Variants in AKT3 observed in about 807,000 individuals in gnomAD.
The protein encoded by AKT3 is AKT serine/threonine kinase 3, also known as RAC-gamma serine/threonine-protein kinase.
In AKT3, 15 loss-of-function variants were observed where a neutral mutation model predicts 65.3. The observed-to-expected ratio is 0.23, with a 90% CI of 0.15 to 0.35. The LOEUF (loss-of-function observed/expected upper bound fraction) is 0.35, where lower values mean the gene tolerates loss of function less well. Among genes scored for constraint, AKT3 ranks in the 10% least tolerant of loss-of-function variants. The pLI is 1.00. For missense variants in AKT3, 243 were observed against 576.5 expected (o/e 0.42, Z 5.92); for synonymous variants, 206 against 183.8 (o/e 1.12, Z -0.98).
At chr1:243,750,033 C>A (rs1688703805) in intron 2 of AKT3, among the ~76,000 whole-genome samples, 1 of 152,174 alleles carries the variant, frequency 6.6e-6, no homozygotes, top group South Asian at 2.1e-4. Context: ...TTCTCCTTCT[C>A]ATATAGGCTA....
intron 6 of AKT3, among the ~76,000 whole-genome samples, chr1:243,631,157 C>A (rs1558667278): frequency 6.6e-6 from 1 of 152,062 alleles, no homozygotes; most frequent in Non-Finnish European, 1.5e-5. Context: ...AATGTATATA[C>A]CTTAATTTAA....
Position 243,489,563 on chromosome 1 carries a change from G to C in AKT3, c.*7-1113C>G, listed in dbSNP as rs1665871910. ...AGAGGTGTTCCCAATTAGCAAAGTC[G>C]TCTTGAATGGAAGGCAGGCATCTCA... On this transcript the variant is annotated intron_variant, in intron 13 of 13. Coordinates refer to the AKT3 transcript ENST00000336199. Among the ~76,000 whole-genome samples the C allele has an allele frequency of 2.0e-5, 3 of 152,196 alleles. No homozygotes were observed. In the South Asian group the frequency reaches 6.2e-4, roughly 32 times the overall value.
intron 1 of AKT3, among the ~76,000 whole-genome samples, chr1:243,844,023 CAAGAAATATTTTAAGGAGATTAAAA>C (rs982527672): frequency 1.3e-5 from 2 of 151,882 alleles, no homozygotes; most frequent in Non-Finnish European, 2.9e-5. Context: ...CTGCCTGTTC[CAAGAAATATTTTAAGGAGATTAAAA>C]AATAATTGAT....
At chr1:243,650,256 T>C (rs1451630591) in intron 4 of AKT3, among the ~76,000 whole-genome samples, 1 of 152,190 alleles carries the variant, frequency 6.6e-6, no homozygotes, top group East Asian at 1.9e-4. Flanking sequence ...TTGATGGGGT[T>C]GTTTTCTTCT....
intron 2 of AKT3, among the ~76,000 whole-genome samples, chr1:243,830,564 C>A (rs1244487872): frequency 6.6e-6 from 1 of 152,072 alleles, no homozygotes; most frequent in African/African-American, 2.4e-5. Context: ...GGAGGGCAAA[C>A]AAAGACCACC....
At chr1:243,700,950 T>C (rs950039106) in intron 2 of AKT3, among the ~76,000 whole-genome samples, 1 of 152,202 alleles carries the variant, frequency 6.6e-6, no homozygotes, top group Non-Finnish European at 1.5e-5. Context: ...CACCAAAAAG[T>C]TGACAGTGTT....
intron 6 of AKT3, among the ~76,000 whole-genome samples, chr1:243,617,415 T>TA (rs955815311): frequency 3.2e-4 from 47 of 148,364 alleles, no homozygotes; most frequent in East Asian, 1.2e-3. Context: ...TCCATTCACT[T>TA]AAAAAAAAAA....
downstream of AKT3, among the ~76,000 whole-genome samples, chr1:243,497,704 C>A (rs189423210): frequency 2.0e-5 from 3 of 152,296 alleles, no homozygotes; most frequent in Admixed American, 6.5e-5. Flanking sequence ...GGTCTTTACG[C>A]CTATTCTGTA....
chr1:243,827,063 G>T (rs745679260), intron 2 of AKT3, among the ~76,000 whole-genome samples: 1 of 151,878 alleles, frequency 6.6e-6, no homozygotes, highest in Non-Finnish European at 1.5e-5. Context: ...TCAATACCCA[G>T]AAATAACCAC....
At chr1:243,817,694 C>T (rs973683288) in intron 2 of AKT3, among the ~76,000 whole-genome samples, 2 of 152,206 alleles carry the variant, frequency 1.3e-5, no homozygotes, top group Non-Finnish European at 1.5e-5. Context: ...GAGCCAAGAT[C>T]GTGCCACTGC....
intron 13 of AKT3, among the ~76,000 whole-genome samples, chr1:243,492,307 T>TA (rs1558547814): frequency 8.1e-6 from 1 of 123,854 alleles, no homozygotes; most frequent in Non-Finnish European, 1.7e-5. Context: ...TTTTTTTTTT[T>TA]TTTTTTTTTT....
At chr1:243,529,756 T>A (rs1671400759) in intron 12 of AKT3, among the ~76,000 whole-genome samples, 2 of 152,232 alleles carry the variant, frequency 1.3e-5, no homozygotes, top group African/African-American at 4.8e-5. Context: ...TTGCTTAGTA[T>A]TGCCTTGGCT....
At chr1:243,700,901 TC>T in intron 2 of AKT3, among the ~76,000 whole-genome samples, 1 of 152,204 alleles carries the variant, frequency 6.6e-6, no homozygotes, top group East Asian at 1.9e-4. Context: ...TTCAAATAAA[TC>T]ATCTTTATCA....
chr1:243,585,569 G>A (rs1346457618), intron 8 of AKT3, among the ~76,000 whole-genome samples: 2 of 151,724 alleles, frequency 1.3e-5, no homozygotes, highest in African/African-American at 4.8e-5. Context: ...ATAATAGAGA[G>A]CCCAGAAATA....
At chr1:243,750,135 A>T (rs1688710008) in intron 2 of AKT3, among the ~76,000 whole-genome samples, 1 of 152,148 alleles carries the variant, frequency 6.6e-6, no homozygotes, top group South Asian at 2.1e-4. Flanking sequence ...ATAGAAATTG[A>T]TTTGCCTATG....
intron 3 of AKT3, among the ~76,000 whole-genome samples, chr1:243,679,122 T>G (rs1683737211): frequency 6.6e-6 from 1 of 152,244 alleles, no homozygotes; most frequent in Non-Finnish European, 1.5e-5. Flanking sequence ...ATGATTTTCT[T>G]AATAACATTT....
At chr1:243,657,000 T>A (rs548942171) in intron 4 of AKT3, among the ~76,000 whole-genome samples, 1 of 152,128 alleles carries the variant, frequency 6.6e-6, no homozygotes, top group Admixed American at 6.5e-5. Context: ...AAATAATACA[T>A]AAAACTATCA....
In AKT3 at chr1:243,648,266, AAAAAG is replaced by A. The variant is rs577821832; in HGVS notation, c.285-2234_285-2230del. ...GAGCAAGACTCCGTCTAAAAAAAAA[AAAAAG>A]AAAAGAAAAGAAAAAGAAAATAAAA... On this transcript the variant is annotated intron_variant, in intron 4 of 13. Coordinates refer to ENST00000673466, the MANE Select transcript of AKT3 (RefSeq NM_005465.7). Among the ~76,000 whole-genome samples, 824 of 152,036 alleles carry A rather than the reference AAAAAG, an allele frequency of 5.4e-3. 8 individuals carry two copies. The highest frequency in any genetic ancestry group is 0.017 in the African/African-American group (715 of 41,496).
intron 11 of AKT3, chr1:243,547,072 C>A (rs1672723251): frequency 6.6e-6 from 1 of 152,058 alleles, no homozygotes; most frequent in Admixed American, 6.6e-5. Context: ...TTAATATTTT[C>A]TCTTAAGTCT....
Sources: gnomAD v4.1 joint callset for allele counts (sites outside exome capture counted in the v4.1 genomes callset) on GRCh38, gnomAD v4.1.1 for gene constraint, MANE v1.5 for transcripts, NCBI Gene and HGNC (gene_info 2026-07-23, HGNC 2026-07-21) for gene names.